Variants in IL1RAPL2 observed in about 807,000 individuals in gnomAD.
IL1RAPL2 encodes X-linked interleukin-1 receptor accessory protein-like 2.
A neutral mutation model predicts 44.1 loss-of-function variants in IL1RAPL2; 3 were observed. That is an observed-to-expected ratio of 0.07 (90% confidence interval 0.03 to 0.18). IL1RAPL2 has a LOEUF of 0.18. IL1RAPL2 is among the 10% of genes least tolerant of loss of function. IL1RAPL2 has a pLI of 1.00. For missense variants in IL1RAPL2, 391 were observed against 496.4 expected (o/e 0.79, Z 2.02); for synonymous variants, 181 against 178.8 (o/e 1.01, Z -0.10).
At chrX:105,312,322 A>G (rs1473616188) in intron 5 of IL1RAPL2, among the ~76,000 whole-genome samples, 1 of 112,051 alleles carries the variant, frequency 8.9e-6, no homozygotes, top group African/African-American at 3.2e-5. Flanking sequence ...CATCTAATTC[A>G]GTATCTAGAG....
intron 2 of IL1RAPL2, among the ~76,000 whole-genome samples, chrX:105,024,740 G>A (rs1350693783): frequency 9.0e-6 from 1 of 111,373 alleles, no homozygotes; most frequent in African/African-American, 3.2e-5. Context: ...TAGCTTCTGG[G>A]AGATGTGTTG....
At chrX:105,219,981 C>A in intron 3 of IL1RAPL2, 1 of 1,202,591 alleles carries the variant, frequency 8.3e-7, no homozygotes, top group Non-Finnish European at 1.1e-6. Flanking sequence ...TCTCTTTCTG[C>A]ACCTCCACGA....
intron 2 of IL1RAPL2, among the ~76,000 whole-genome samples, chrX:104,899,305 TC>T (rs1923746573): frequency 1.8e-5 from 2 of 112,411 alleles, no homozygotes; most frequent in Non-Finnish European, 3.8e-5. Context: ...TTTTCCTATG[TC>T]TTTCTATTGA....
intron 9 of IL1RAPL2, among the ~76,000 whole-genome samples, chrX:105,752,283 T>C (rs994192112): frequency 1.8e-5 from 2 of 112,465 alleles, no homozygotes; most frequent in Non-Finnish European, 3.8e-5. Flanking sequence ...CTGTAGAAAC[T>C]AGGAGTTTAG....
chrX:104,757,607 A>T (rs1248999319), intron 2 of IL1RAPL2, among the ~76,000 whole-genome samples: 4 of 111,568 alleles, frequency 3.6e-5, no homozygotes, highest in Non-Finnish European at 7.5e-5. Context: ...TATGCATATA[A>T]TGTTCTCTTT....
At chrX:104,620,330 A>G (rs1929363115) in intron 1 of IL1RAPL2, among the ~76,000 whole-genome samples, 1 of 88,249 alleles carries the variant, frequency 1.1e-5, no homozygotes, top group Non-Finnish European at 2.5e-5. Flanking sequence ...CTATTGAAAT[A>G]CAATTTTTTT....
rs1481592642 is a variant in IL1RAPL2 at position 105,223,433 on chromosome X, GTTC to G, written c.357-10382_357-10380del. 5.4e-5 allele frequency among the ~76,000 whole-genome samples: 6 copies of G among 111,692 alleles called. No homozygotes were observed. The East Asian group carries it at 1.7e-3, about 31-fold the overall frequency. Reference sequence around the variant, plus strand: ...ATAGTTGTCCCCCTTACTCCTTTGTGTTCTTGTCTACTAAGTTCAGAACATCTT... The same window carrying G: ...ATAGTTGTCCCCCTTACTCCTTTGTGTTGTCTACTAAGTTCAGAACATCTT... On this transcript the variant is annotated intron_variant, in intron 3 of 10. Transcript: ENST00000372582.
intron 6 of IL1RAPL2, among the ~76,000 whole-genome samples, chrX:105,608,817 T>C (rs1249172036): frequency 1.8e-5 from 2 of 112,213 alleles, no homozygotes; most frequent in Non-Finnish European, 3.8e-5. Flanking sequence ...AAGATAAATA[T>C]TAGTGAGCAT....
At chrX:105,468,886 T>C (rs1053471749) in intron 5 of IL1RAPL2, among the ~76,000 whole-genome samples, 1 of 111,919 alleles carries the variant, frequency 8.9e-6, no homozygotes, top group African/African-American at 3.2e-5. Flanking sequence ...ACATATTTCT[T>C]TTCAAAAATA....
chrX:104,861,502 G>A (rs1190392749), intron 2 of IL1RAPL2, among the ~76,000 whole-genome samples: 2 of 111,183 alleles, frequency 1.8e-5, no homozygotes, highest in East Asian at 5.7e-4. Context: ...AGCAATACAC[G>A]CCTCTACTTA....
At chrX:104,891,268 T>A (rs1923430170) in intron 2 of IL1RAPL2, among the ~76,000 whole-genome samples, 1 of 111,937 alleles carries the variant, frequency 8.9e-6, no homozygotes, top group South Asian at 3.7e-4. Context: ...CTTGGGATTG[T>A]CTTGGAAATG....
At chrX:104,729,247 A>G (rs1471885968) in intron 2 of IL1RAPL2, among the ~76,000 whole-genome samples, 2 of 111,355 alleles carry the variant, frequency 1.8e-5, no homozygotes, top group Admixed American at 9.6e-5. Context: ...TTCATATGCC[A>G]AAGGTATAGA....
At chrX:105,373,293 C>T (rs1437288008) in intron 5 of IL1RAPL2, among the ~76,000 whole-genome samples, 2 of 112,213 alleles carry the variant, frequency 1.8e-5, no homozygotes, top group East Asian at 2.8e-4. Context: ...TTTTTTCATA[C>T]AGTTGTTGGC....
chrX:104,890,525 G>T (rs1230038250), intron 2 of IL1RAPL2, among the ~76,000 whole-genome samples: 1 of 112,193 alleles, frequency 8.9e-6, no homozygotes. Context: ...TTGTGGTTTT[G>T]ATTTGCATTT....
chrX:105,017,079 A>G (rs1053823137), intron 2 of IL1RAPL2, among the ~76,000 whole-genome samples: 2 of 111,243 alleles, frequency 1.8e-5, no homozygotes, highest in African/African-American at 6.5e-5. Flanking sequence ...TAGATTTTCC[A>G]GTTTATTTGC....
chrX:104,950,794 C>T (rs914598427), intron 2 of IL1RAPL2, among the ~76,000 whole-genome samples: 16 of 110,486 alleles, frequency 1.4e-4, no homozygotes, highest in African/African-American at 5.3e-4. Flanking sequence ...GCAGGCTCCG[C>T]CCCCTGGGGT....
At chrX:105,590,601 A>G (rs903033051) in intron 6 of IL1RAPL2, among the ~76,000 whole-genome samples, 1 of 111,524 alleles carries the variant, frequency 9.0e-6, no homozygotes. Flanking sequence ...CTTTTTCTGC[A>G]TCTATTGAGA....
chrX:104,652,370 G>A (rs1223785373), intron 1 of IL1RAPL2, among the ~76,000 whole-genome samples: 1 of 111,905 alleles, frequency 8.9e-6, no homozygotes, highest in Non-Finnish European at 1.9e-5. Flanking sequence ...AAACAAATGA[G>A]TAACTTGAAA....
chrX:105,684,526 G>C (rs761534544), intron 6 of IL1RAPL2, among the ~76,000 whole-genome samples: 1 of 112,498 alleles, frequency 8.9e-6, no homozygotes, highest in Non-Finnish European at 1.9e-5. Context: ...CAAAGCGGCC[G>C]GGAAGCTCGA....
Sources: allele counts gnomAD v4.1 joint callset (sites outside exome capture counted in the v4.1 genomes callset), GRCh38; gene constraint gnomAD v4.1.1; transcripts MANE v1.5; gene names NCBI Gene and HGNC (gene_info 2026-07-23, HGNC 2026-07-21).